DLG2: variants seen among roughly 807,000 people sequenced by gnomAD.
DLG2 encodes the protein disks large homolog 2.
Under a neutral mutation model 132.5 loss-of-function variants are expected in DLG2, and 45 were observed. That is an observed-to-expected ratio of 0.34 (90% CI 0.27 to 0.44). The LOEUF is 0.44. DLG2 is among the 20% of genes least tolerant of loss of function. The pLI is 1.00. For missense variants in DLG2, 1,045 were observed against 1,196.9 expected, an observed-to-expected ratio of 0.87 and a Z score of 1.87; for synonymous variants, 424 against 419.6, an observed-to-expected ratio of 1.01 and a Z score of -0.13.
At chr11:84,332,413 T>A (rs1296595053) in intron 7 of DLG2, among the ~76,000 whole-genome samples, 4 of 151,804 alleles carry the variant, frequency 2.6e-5, no homozygotes, top group African/African-American at 4.8e-5. Flanking sequence ...GGTTTCACCG[T>A]GTTAGCCAGG....
intron 3 of DLG2, among the ~76,000 whole-genome samples, chr11:85,311,012 T>C (rs1180306945): frequency 2.0e-5 from 3 of 152,200 alleles, no homozygotes; most frequent in Non-Finnish European, 4.4e-5. Flanking sequence ...CTATAGTCCA[T>C]AGACAAACCT....
chr11:83,867,802 T>C (rs192807286), intron 16 of DLG2, among the ~76,000 whole-genome samples: 48 of 152,212 alleles, frequency 3.2e-4, no homozygotes, highest in Non-Finnish European at 6.8e-4. Context: ...CCCTTAAATA[T>C]TTCCTAGCTC....
chr11:85,536,910 C>T (rs1285894543), intron 3 of DLG2, among the ~76,000 whole-genome samples: 1 of 152,226 alleles, frequency 6.6e-6, no homozygotes. Flanking sequence ...CAAAGTCCCA[C>T]AGTGAATGCC....
chr11:84,780,436 A>G (rs1255623660), intron 6 of DLG2, among the ~76,000 whole-genome samples: 1 of 152,148 alleles, frequency 6.6e-6, no homozygotes, highest in Non-Finnish European at 1.5e-5. Flanking sequence ...TGAATAGGAA[A>G]AAGTTGAAAA....
chr11:85,337,822 G>T (rs2082233666), intron 3 of DLG2, among the ~76,000 whole-genome samples: 1 of 152,164 alleles, frequency 6.6e-6, no homozygotes, highest in Admixed American at 6.5e-5. Context: ...TGAAGCATTG[G>T]TGTATTGAAG....
chr11:83,618,106 T>C (rs1362770867), intron 19 of DLG2, among the ~76,000 whole-genome samples: 1 of 152,212 alleles, frequency 6.6e-6, no homozygotes, highest in Non-Finnish European at 1.5e-5. Context: ...TGAATGGTTT[T>C]CCTGTAATAT....
At chr11:85,089,759 G>A (rs1257732752) in intron 6 of DLG2, among the ~76,000 whole-genome samples, 1 of 152,062 alleles carries the variant, frequency 6.6e-6, no homozygotes, top group African/African-American at 2.4e-5. Flanking sequence ...GTGAAAATGG[G>A]CAAGGACATG....
intron 3 of DLG2, among the ~76,000 whole-genome samples, chr11:85,427,183 C>A (rs1262879917): frequency 6.6e-6 from 1 of 152,150 alleles, no homozygotes; most frequent in Admixed American, 6.5e-5. Context: ...GAGAATGGAA[C>A]CAAGTTGGAA....
At chr11:84,214,222 CATATATACATATATATGA>C (rs2096799647) in intron 8 of DLG2, among the ~76,000 whole-genome samples, 13 of 131,174 alleles carry the variant, frequency 9.9e-5, no homozygotes, top group African/African-American at 4.6e-4. Flanking sequence ...TATATGAATA[CATATATACATATATATGA>C]ATATATATAT....
chr11:84,561,119 G>A (rs2099428087), intron 6 of DLG2, among the ~76,000 whole-genome samples: 2 of 152,094 alleles, frequency 1.3e-5, no homozygotes, highest in Non-Finnish European at 2.9e-5. Context: ...TATGTGCAGT[G>A]AGTAGGACAT....
At chr11:84,339,527 G>A (rs1003928230) in intron 7 of DLG2, among the ~76,000 whole-genome samples, 57 of 152,012 alleles carry the variant, frequency 3.7e-4, no homozygotes, top group Non-Finnish European at 5.9e-4. Context: ...ATTTTAAGAC[G>A]GTGATCTCTC....
chr11:84,033,091 G>A (rs1038142795), intron 11 of DLG2, among the ~76,000 whole-genome samples: 5 of 152,082 alleles, frequency 3.3e-5, no homozygotes, highest in African/African-American at 2.4e-5. Flanking sequence ...CCACTAACAC[G>A]ATATCCATTC....
At chr11:84,644,621 G>A (rs2099672295) in intron 6 of DLG2, among the ~76,000 whole-genome samples, 1 of 151,580 alleles carries the variant, frequency 6.6e-6, no homozygotes, top group South Asian at 2.1e-4. Flanking sequence ...TAGGAGAATG[G>A]CATGAACTCT....
chr11:85,389,842 A>G (rs2086650064), intron 3 of DLG2, among the ~76,000 whole-genome samples: 1 of 152,160 alleles, frequency 6.6e-6, no homozygotes, highest in African/African-American at 2.4e-5. Context: ...AGCCAGCACT[A>G]TAAGAATTAC....
intron 7 of DLG2, among the ~76,000 whole-genome samples, chr11:84,367,692 C>T (rs922497112): frequency 1.1e-4 from 16 of 152,074 alleles, no homozygotes; most frequent in Admixed American, 3.9e-4. Context: ...TCTCAGTGTA[C>T]CCCTCTTGCC....
intron 5 of DLG2, among the ~76,000 whole-genome samples, chr11:85,146,231 T>C (rs1159459796): frequency 5.0e-5 from 5 of 100,274 alleles, no homozygotes; most frequent in East Asian, 4.1e-4. Flanking sequence ...TTTCTCCCTC[T>C]CTCTCTCTCT....
chr11:85,318,386 C>T (rs1205364556), intron 3 of DLG2, among the ~76,000 whole-genome samples: 1 of 151,668 alleles, frequency 6.6e-6, no homozygotes, highest in African/African-American at 2.4e-5. Flanking sequence ...CAGAATAAAG[C>T]AGCAGAAACC....
intron 3 of DLG2, among the ~76,000 whole-genome samples, chr11:85,503,598 T>C (rs1387086602): frequency 1.3e-5 from 2 of 151,998 alleles, no homozygotes; most frequent in Non-Finnish European, 2.9e-5. Flanking sequence ...ATTCATAGAT[T>C]AATGGGTTAT....
intron 15 of DLG2, among the ~76,000 whole-genome samples, chr11:83,917,650 C>A (rs1190873176): frequency 6.6e-6 from 1 of 152,174 alleles, no homozygotes; most frequent in Non-Finnish European, 1.5e-5. Flanking sequence ...GCCAGTTCTT[C>A]CGCACATATC....
Sources: allele counts gnomAD v4.1 joint callset (sites outside exome capture counted in the v4.1 genomes callset), GRCh38; gene constraint gnomAD v4.1.1; transcripts MANE v1.5; gene names NCBI Gene and HGNC (gene_info 2026-07-23, HGNC 2026-07-21).